The following NTNG1 variants were observed in gnomAD, a reference collection of about 807,000 sequenced individuals.
NTNG1 encodes the protein netrin-G1.
In NTNG1, 16 loss-of-function variants were observed where a neutral mutation model predicts 54.0. The observed-to-expected ratio is 0.30, with a 90% CI of 0.20 to 0.45. NTNG1 has a LOEUF of 0.45. Ranked by LOEUF, NTNG1 falls within the 20% of genes least tolerant of loss-of-function variation. NTNG1 has a pLI of 1.00. For missense variants in NTNG1, 530 were observed against 678.7 expected, an observed-to-expected ratio of 0.78 and a Z score of 2.43; for synonymous variants, 255 against 263.1, an observed-to-expected ratio of 0.97 and a Z score of 0.30.
chr1:107,228,407 T>C (rs1455108702), intron 2 of NTNG1, among the ~76,000 whole-genome samples: 2 of 152,186 alleles, frequency 1.3e-5, no homozygotes, highest in Non-Finnish European at 2.9e-5. Flanking sequence ...TCAGCAAAGA[T>C]TCCAATTTAG....
intron 2 of NTNG1, among the ~76,000 whole-genome samples, chr1:107,153,398 A>C (rs1392359465): frequency 1.3e-5 from 2 of 152,206 alleles, no homozygotes; most frequent in Admixed American, 6.5e-5. Context: ...ATAATCTTAA[A>C]AATACACTCT....
In NTNG1 at chr1:107,484,429, A is replaced by AGCTTTT. The variant is rs1417516995; in HGVS notation, c.*3594_*3595insTGCTTT. On this transcript the variant is annotated 3_prime_UTR_variant, in exon 8 of 8. Coordinates refer to ENST00000370068, the MANE Select transcript of NTNG1 (RefSeq NM_001113226.3). Reference sequence around the variant, plus strand: ...ATGGAAGATAATTTAACAGTTTGTTAGCTTTATGTATGACTTTTAAATACT... The same window carrying AGCTTTT: ...ATGGAAGATAATTTAACAGTTTGTTAGCTTTTGCTTTATGTATGACTTTTAAATACT... Among the ~76,000 whole-genome samples the AGCTTTT allele has an allele frequency of 6.6e-6, 1 of 152,218 alleles. No individual in the cohort carries two copies. The highest frequency in any genetic ancestry group is 6.5e-5 in the Admixed American group (1 of 15,284).
At chr1:107,425,462 C>T (rs1459301677) in intron 5 of NTNG1, among the ~76,000 whole-genome samples, 2 of 152,064 alleles carry the variant, frequency 1.3e-5, no homozygotes, top group African/African-American at 4.8e-5. Flanking sequence ...TGTTAGTTCA[C>T]TTAGGATAAT....
intron 2 of NTNG1, among the ~76,000 whole-genome samples, chr1:107,310,082 AATGGTC>A (rs1376252937): frequency 1.3e-5 from 2 of 152,170 alleles, no homozygotes; most frequent in Non-Finnish European, 2.9e-5. Flanking sequence ...AAGGGTGTTG[AATGGTC>A]ATTGATTCCT....
At chr1:107,304,178 G>T (rs1260145581) in intron 2 of NTNG1, among the ~76,000 whole-genome samples, 3 of 151,612 alleles carry the variant, frequency 2.0e-5, no homozygotes, top group Non-Finnish European at 4.4e-5. Flanking sequence ...TGGCACTATT[G>T]ATCACATACT....
intron 2 of NTNG1, among the ~76,000 whole-genome samples, chr1:107,156,306 ATC>A (rs985605331): frequency 2.6e-5 from 4 of 152,162 alleles, no homozygotes; most frequent in Non-Finnish European, 4.4e-5. Flanking sequence ...AGATACTGAA[ATC>A]TCTCTCTTTT....
At chr1:107,347,343 G>A (rs542598867) in intron 3 of NTNG1, among the ~76,000 whole-genome samples, 24 of 152,096 alleles carry the variant, frequency 1.6e-4, no homozygotes, top group Middle Eastern at 3.4e-3. Flanking sequence ...TGAGACCCCC[G>A]TATCTAGAAA....
At chr1:107,453,124 C>T (rs1676721865) in intron 7 of NTNG1, among the ~76,000 whole-genome samples, 1 of 152,178 alleles carries the variant, frequency 6.6e-6, no homozygotes, top group Non-Finnish European at 1.5e-5. Context: ...CAACAGTGGT[C>T]AGCATTAATC....
At chr1:107,351,956 G>A (rs150080699) in intron 3 of NTNG1, among the ~76,000 whole-genome samples, 1 of 152,356 alleles carries the variant, frequency 6.6e-6, no homozygotes, top group African/African-American at 2.4e-5. Flanking sequence ...ACCCAACATG[G>A]TAGTCATTAA....
intron 3 of NTNG1, among the ~76,000 whole-genome samples, chr1:107,360,172 G>C (rs1213140123): frequency 6.6e-6 from 1 of 152,112 alleles, no homozygotes; most frequent in Admixed American, 6.5e-5. Flanking sequence ...AAAATGTTTA[G>C]TGGGCATTAT....
At chr1:107,412,728 G>T (rs1215200199) in intron 5 of NTNG1, among the ~76,000 whole-genome samples, 2 of 152,106 alleles carry the variant, frequency 1.3e-5, no homozygotes, top group Non-Finnish European at 2.9e-5. Context: ...GGAGGACTGT[G>T]ACCTCCCCCT....
chr1:107,197,278 G>T (rs1658413760), intron 2 of NTNG1, among the ~76,000 whole-genome samples: 1 of 152,026 alleles, frequency 6.6e-6, no homozygotes, highest in South Asian at 2.1e-4. Context: ...GTCTCTGCTG[G>T]CTTACTGCCA....
intron 2 of NTNG1, among the ~76,000 whole-genome samples, chr1:107,250,381 A>T (rs1005956875): frequency 1.3e-5 from 2 of 152,100 alleles, no homozygotes; most frequent in African/African-American, 4.8e-5. Context: ...GGGAAACACT[A>T]TGAAACCCTG....
At chr1:107,395,088 G>A in intron 3 of NTNG1, 66 bp from the exon 4 acceptor site, 1 of 1,284,716 alleles carries the variant, frequency 7.8e-7, no homozygotes, top group South Asian at 1.3e-5. Flanking sequence ...GACAAATCAG[G>A]GAAGCCTCAG....
Position 107,163,307 on chromosome 1 carries a change from C to T in NTNG1, c.246+14468C>T, listed in dbSNP as rs543616432. ...AGGTCTGAAGGTTCAAGATGTACCT[C>T]AGTCAAGTTATTTTACTTCTTTGTT... On this transcript the variant is annotated intron_variant, in intron 2 of 7. Transcript: ENST00000370068. Among the ~76,000 whole-genome samples, 5 of 152,210 alleles carry T rather than the reference C, an allele frequency of 3.3e-5. No homozygotes were observed. In the East Asian group the frequency reaches 9.6e-4, roughly 29 times the overall value.
chr1:107,416,655 G>A (rs1017040457), intron 5 of NTNG1, among the ~76,000 whole-genome samples: 2 of 151,964 alleles, frequency 1.3e-5, no homozygotes, highest in South Asian at 2.1e-4. Context: ...TTAATTTATA[G>A]GGTTATTTTT....
Position 107,145,428 on chromosome 1 carries a change from A to C in NTNG1, c.-525-2641A>C, listed in dbSNP as rs115279600. 8.8e-3 allele frequency among the ~76,000 whole-genome samples: 1,333 copies of C among 152,148 alleles called. 21 individuals carry two copies. Among genetic ancestry groups the C allele is most frequent in the African/African-American group, 0.031 (1,270 of 41,526 alleles). ...GTAAGAAGACCCTGAAATGCAGGAT[A>C]CATAACAATAGTACAAATATAAAAA... On this transcript the variant is annotated intron_variant, in intron 1 of 7. Transcript: ENST00000370068.
At chr1:107,293,000 C>G (rs907642291) in intron 2 of NTNG1, among the ~76,000 whole-genome samples, 4 of 152,122 alleles carry the variant, frequency 2.6e-5, no homozygotes, top group Non-Finnish European at 5.9e-5. Flanking sequence ...CAGATGAATT[C>G]TTTCTTCTAA....
At chr1:107,300,532 A>C (rs937529629) in intron 2 of NTNG1, among the ~76,000 whole-genome samples, 2 of 152,152 alleles carry the variant, frequency 1.3e-5, no homozygotes, top group African/African-American at 4.8e-5. Flanking sequence ...CTAAATGGCT[A>C]TTATAATTAA....
Sources: allele counts gnomAD v4.1 joint callset (sites outside exome capture counted in the v4.1 genomes callset), GRCh38; gene constraint gnomAD v4.1.1; transcripts MANE v1.5; gene names NCBI Gene and HGNC (gene_info 2026-07-23, HGNC 2026-07-21).